The following RABGAP1L variants were observed in gnomAD, a reference collection of about 807,000 sequenced individuals.
The protein encoded by RABGAP1L is rab GTPase-activating protein 1-like.
A neutral mutation model predicts 137.7 loss-of-function variants in RABGAP1L; 63 were observed. The ratio of observed to expected loss-of-function variants is 0.46; its 90% CI spans 0.37 to 0.56. The LOEUF is 0.56. RABGAP1L is among the 20% of genes least tolerant of loss of function. The pLI is 0.00. For synonymous variants in RABGAP1L, 431 were observed against 433.7 expected (o/e 0.99, Z 0.08); for missense variants, 1,095 against 1,244.0 (o/e 0.88, Z 1.80).
chr1:174,910,281 C>T (rs1659844925), intron 19 of RABGAP1L, among the ~76,000 whole-genome samples: 1 of 152,042 alleles, frequency 6.6e-6, no homozygotes, highest in Non-Finnish European at 1.5e-5. Flanking sequence ...ATAACAAGAA[C>T]CATTTGATTA....
At chr1:174,843,334 G>A (rs1278646487) in intron 19 of RABGAP1L, among the ~76,000 whole-genome samples, 12 of 148,204 alleles carry the variant, frequency 8.1e-5, no homozygotes, top group Middle Eastern at 3.5e-3. Flanking sequence ...CCACTAACTC[G>A]TCATCTAGCA....
At chr1:174,301,681 A>G (rs1677723079) in intron 10 of RABGAP1L, among the ~76,000 whole-genome samples, 1 of 152,124 alleles carries the variant, frequency 6.6e-6, no homozygotes, top group African/African-American at 2.4e-5. Flanking sequence ...ACCCAAAGTC[A>G]GGTGGCCTCT....
chr1:174,346,504 T>G (rs1212473937), intron 11 of RABGAP1L, among the ~76,000 whole-genome samples: 3 of 152,178 alleles, frequency 2.0e-5, no homozygotes, highest in African/African-American at 7.2e-5. Flanking sequence ...ATCCATTTAT[T>G]CTAAGTTTTA....
chr1:174,619,320 T>A (rs1672218888), intron 13 of RABGAP1L, among the ~76,000 whole-genome samples: 1 of 152,074 alleles, frequency 6.6e-6, no homozygotes, highest in Non-Finnish European at 1.5e-5. Flanking sequence ...GAAGAGCAAC[T>A]CTAAGACACA....
chr1:174,792,931 G>A (rs1199837413), intron 18 of RABGAP1L, among the ~76,000 whole-genome samples: 2 of 152,084 alleles, frequency 1.3e-5, no homozygotes, highest in Non-Finnish European at 2.9e-5. Context: ...TCAGGAGTTC[G>A]AGACCAGCCT....
chr1:174,712,457 A>G (rs1197343822), intron 17 of RABGAP1L, among the ~76,000 whole-genome samples: 1 of 152,210 alleles, frequency 6.6e-6, no homozygotes, highest in Admixed American at 6.5e-5. Context: ...GAAGGTCTGC[A>G]GCTTCACTTC....
intron 19 of RABGAP1L, among the ~76,000 whole-genome samples, chr1:174,826,475 G>T (rs1268609223): frequency 6.6e-6 from 1 of 152,096 alleles, no homozygotes; most frequent in Non-Finnish European, 1.5e-5. Context: ...ACCTGCCTCG[G>T]CCTCTGAAAG....
At chr1:174,285,450 C>T (rs6697959) in intron 10 of RABGAP1L, among the ~76,000 whole-genome samples, 42,722 of 150,644 alleles carry the variant, frequency 0.28, 6,564 homozygotes, top group African/African-American at 0.4. Context: ...TTGTCGATTT[C>T]GTATAGAAAT....
Position 174,990,608 on chromosome 1 carries a change from T to C in RABGAP1L, c.*607T>C, listed in dbSNP as rs1409416137. 6.6e-6 allele frequency: 1 copy of C among 152,226 alleles called. No individual in the cohort carries two copies. The highest frequency in any genetic ancestry group is 1.5e-5 in the Non-Finnish European group (1 of 68,060). The allele number at this position is 152,226 out of a possible 1,614,324, so 9.4% of individuals were successfully genotyped here. ...ACATCTGGAAATGAAGTGCCAGGAA[T>C]AGACGGGCTGTTCAGATTATACGCT... On this transcript the variant is annotated 3_prime_UTR_variant, in exon 26 of 26. Transcript: ENST00000681986.
intron 1 of RABGAP1L, among the ~76,000 whole-genome samples, chr1:174,166,791 CT>C (rs1446937704): frequency 6.6e-6 from 1 of 152,170 alleles, no homozygotes; most frequent in Non-Finnish European, 1.5e-5. Context: ...AGGTAAAAGC[CT>C]TCTTAGAGTG....
intron 21 of RABGAP1L, 40 bp downstream of exon 21, chr1:174,969,427 C>G: frequency 6.8e-7 from 1 of 1,467,552 alleles, no homozygotes; most frequent in Non-Finnish European, 9.3e-7. Flanking sequence ...TTCCTCAGGG[C>G]AAAGACCGAT....
intron 11 of RABGAP1L, among the ~76,000 whole-genome samples, chr1:174,312,757 C>T (rs74448303): frequency 0.013 from 1,908 of 152,130 alleles, 15 homozygotes; most frequent in Admixed American, 0.023. Flanking sequence ...GTCTTTAATC[C>T]GTTTTGTTTT....
intron 19 of RABGAP1L, among the ~76,000 whole-genome samples, chr1:174,833,944 G>A (rs1374208661): frequency 6.6e-6 from 1 of 152,138 alleles, no homozygotes; most frequent in African/African-American, 2.4e-5. Flanking sequence ...ACCAATAGGA[G>A]CTAACCAGCT....
intron 13 of RABGAP1L, among the ~76,000 whole-genome samples, chr1:174,481,971 T>A (rs1659145426): frequency 6.6e-6 from 1 of 152,042 alleles, no homozygotes; most frequent in Non-Finnish European, 1.5e-5. Context: ...GAATTAAACC[T>A]GTTAATCAGT....
intron 8 of RABGAP1L, 65 bp from the exon 9 acceptor site, chr1:174,275,768 A>T: frequency 8.5e-7 from 1 of 1,170,556 alleles, no homozygotes; most frequent in South Asian, 1.4e-5. Flanking sequence ...TTAAAGTAAG[A>T]TGTAATTTAA....
chr1:174,484,189 T>C (rs1572006544), intron 13 of RABGAP1L, among the ~76,000 whole-genome samples: 2 of 152,324 alleles, frequency 1.3e-5, no homozygotes, highest in East Asian at 3.9e-4. Flanking sequence ...CTGTGTGTCA[T>C]TCGTATGTCA....
intron 18 of RABGAP1L, among the ~76,000 whole-genome samples, chr1:174,775,621 A>C (rs1686469083): frequency 6.6e-6 from 1 of 151,922 alleles, no homozygotes; most frequent in Non-Finnish European, 1.5e-5. Context: ...CCGGGAGAAA[A>C]CTTTTTAAGA....
intron 13 of RABGAP1L, among the ~76,000 whole-genome samples, chr1:174,504,478 A>G (rs1229348127): frequency 6.6e-6 from 1 of 152,132 alleles, no homozygotes; most frequent in Admixed American, 6.5e-5. Flanking sequence ...ACTTCAAAAT[A>G]CAATACACAG....
At chr1:174,407,531 A>G (rs982157647) in intron 13 of RABGAP1L, among the ~76,000 whole-genome samples, 2 of 152,110 alleles carry the variant, frequency 1.3e-5, no homozygotes, top group Non-Finnish European at 2.9e-5. Context: ...GTCAGTTAAC[A>G]TGTATCTTGT....
Sources: gnomAD v4.1 joint callset for allele counts (sites outside exome capture counted in the v4.1 genomes callset) on GRCh38, gnomAD v4.1.1 for gene constraint, MANE v1.5 for transcripts, NCBI Gene and HGNC (gene_info 2026-07-23, HGNC 2026-07-21) for gene names.